The following WFDC11 variants were observed in gnomAD, a reference collection of about 807,000 sequenced individuals.
The protein encoded by WFDC11 is protein WFDC11.
In WFDC11, 9 loss-of-function variants were observed where a neutral mutation model predicts 9.9. The ratio of observed to expected loss-of-function variants is 0.91; its 90% CI spans 0.55 to 1.58. WFDC11 has a LOEUF of 1.58. Among genes scored for constraint, WFDC11 ranks in the 40% most tolerant of loss-of-function variants. The probability of loss-of-function intolerance (pLI) is 0.00; values close to 1 mark genes in which losing one functional copy is unlikely to be tolerated. For synonymous variants in WFDC11, 32 were observed against 33.3 expected, an observed-to-expected ratio of 0.96 and a Z score of 0.13; for missense variants, 106 against 101.7, an observed-to-expected ratio of 1.04 and a Z score of -0.18.
At chr20:45,650,825 C>G (rs1264505118) in intron 2 of WFDC11, among the ~76,000 whole-genome samples, 174 bp from the exon 3 acceptor site, 1 of 152,192 alleles carries the variant, frequency 6.6e-6, no homozygotes, top group Non-Finnish European at 1.5e-5. Flanking sequence ...CCATCTCACA[C>G]CTCATGTTTT....
chr20:45,660,185 C>T (rs924854104), intron 2 of WFDC11, among the ~76,000 whole-genome samples: 1 of 152,132 alleles, frequency 6.6e-6, no homozygotes, highest in African/African-American at 2.4e-5. Flanking sequence ...ACTGCCTTTG[C>T]TTTATCCCAG....
chr20:45,650,161 G>A lies in WFDC11; in HGVS notation c.100+340C>T, dbSNP rs201429287. On this transcript the variant is annotated intron_variant, in intron 3 of 4. Transcript: ENST00000324384. Reference sequence around the variant, plus strand: ...TCTATACTGACATCTGACCCTCAAAGACAGCCTAACATTGGAAAATATTTT... The same window carrying A: ...TCTATACTGACATCTGACCCTCAAAAACAGCCTAACATTGGAAAATATTTT... Among the ~76,000 whole-genome samples the A allele has an allele frequency of 1.5e-4, 23 of 151,938 alleles. No individual in the cohort carries two copies. The East Asian group carries it at 3.1e-3, about 20-fold the overall frequency.
At chr20:45,669,880 A>G (rs926981050) in intron 1 of WFDC11, among the ~76,000 whole-genome samples, 9 of 152,124 alleles carry the variant, frequency 5.9e-5, no homozygotes, top group African/African-American at 2.2e-4. Context: ...CATGAAACCA[A>G]AAGTTGGTTC....
intron 3 of WFDC11, 40 bp downstream of exon 3, chr20:45,650,461 A>G (rs1343280153): frequency 6.5e-7 from 1 of 1,548,296 alleles, no homozygotes; most frequent in African/African-American, 1.4e-5. Flanking sequence ...AAACAAGCTC[A>G]TCCCCCTCCT....
At chr20:45,666,111 A>C (rs2145624617) in intron 2 of WFDC11, among the ~76,000 whole-genome samples, 1 of 152,160 alleles carries the variant, frequency 6.6e-6, no homozygotes, top group South Asian at 2.1e-4. Context: ...TTGTTTACCT[A>C]CTGAAGCCTC....
chr20:45,657,375 T>C (rs1177523259), intron 2 of WFDC11, among the ~76,000 whole-genome samples: 3 of 139,566 alleles, frequency 2.1e-5, no homozygotes, highest in African/African-American at 8.2e-5. Flanking sequence ...TAGGTGGGAA[T>C]TGAACCATGA....
chr20:45,656,567 A>G (rs1305963024), intron 2 of WFDC11, among the ~76,000 whole-genome samples: 1 of 152,178 alleles, frequency 6.6e-6, no homozygotes, highest in Non-Finnish European at 1.5e-5. Flanking sequence ...AATGGCAACA[A>G]AAGCCAAAAT....
intron 2 of WFDC11, among the ~76,000 whole-genome samples, chr20:45,665,326 T>C (rs1983164617): frequency 1.3e-5 from 2 of 152,228 alleles, no homozygotes; most frequent in African/African-American, 4.8e-5. Context: ...TGACTTTTTC[T>C]TATGGTTTTT....
chr20:45,662,770 C>T lies in WFDC11; in HGVS notation c.-52+4318G>A, dbSNP rs1049261256. Among the ~76,000 whole-genome samples the T allele has an allele frequency of 3.9e-5, 6 of 152,176 alleles. No individual in the cohort carries two copies. In the East Asian group the frequency reaches 7.7e-4, roughly 20 times the overall value. On this transcript the variant is annotated intron_variant, in intron 2 of 4. Transcript: ENST00000324384. ...CAGCCTTGCATTCCAGGGATGAAGC[C>T]AACTTGATCATGGTGGATAAGCTTT...
intron 2 of WFDC11, among the ~76,000 whole-genome samples, chr20:45,663,294 C>G (rs1180234343): frequency 6.6e-6 from 1 of 152,000 alleles, no homozygotes; most frequent in Admixed American, 6.6e-5. Context: ...TTTATTGCAT[C>G]TATTTGATTC....
chr20:45,665,509 G>T (rs912856287), intron 2 of WFDC11, among the ~76,000 whole-genome samples: 1 of 152,222 alleles, frequency 6.6e-6, no homozygotes, highest in Non-Finnish European at 1.5e-5. Flanking sequence ...CTGGTTTTTA[G>T]AATTTTAAGC....
At chr20:45,657,973 TATAA>T (rs1445538817) in intron 2 of WFDC11, among the ~76,000 whole-genome samples, 21 of 152,314 alleles carry the variant, frequency 1.4e-4, no homozygotes, top group East Asian at 3.9e-4. Flanking sequence ...TGTGCATAGA[TATAA>T]ATATAGATTT....
In WFDC11 at chr20:45,649,496, T is replaced by A; in HGVS notation, c.101-97A>T. On this transcript the variant is annotated intron_variant, in intron 3 of 4. Coordinates refer to ENST00000324384, the MANE Select transcript of WFDC11 (RefSeq NM_147197.2). ...ACGTTTAACAGTTCCTCCTGGAATCTGGGCCCCAAATTCCAACCAAGATAT... is the reference window on the plus strand; with the variant it reads ...ACGTTTAACAGTTCCTCCTGGAATCAGGGCCCCAAATTCCAACCAAGATAT... 6 of 1,475,652 alleles carry A rather than the reference T, an allele frequency of 4.1e-6. No homozygotes were observed. In the East Asian group the frequency reaches 1.1e-4, roughly 28 times the overall value. The allele number at this position is 1,475,652 out of a possible 1,614,324, so 91.4% of individuals were successfully genotyped here.
chr20:45,657,381 C>A (rs939583064), intron 2 of WFDC11, among the ~76,000 whole-genome samples: 79 of 137,302 alleles, frequency 5.8e-4, no homozygotes, highest in African/African-American at 2.1e-3. Flanking sequence ...GGAATTGAAC[C>A]ATGAGAACAC....
In WFDC11 at chr20:45,670,182, C is replaced by A. The variant is rs987160323; in HGVS notation, c.-138G>T. On this transcript the variant is annotated 5_prime_UTR_variant, in exon 1 of 5. Transcript: ENST00000324384. ...AGTAATTAAAAAAAAACTTACCAACCAGAAAAGGCCCTGGACCAGATGGAT... is the reference window on the plus strand; with the variant it reads ...AGTAATTAAAAAAAAACTTACCAACAAGAAAAGGCCCTGGACCAGATGGAT... 1.3e-5 allele frequency: 2 copies of A among 151,796 alleles called. No individual in the cohort carries two copies. Among genetic ancestry groups the A allele is most frequent in the African/African-American group, 2.4e-5 (1 of 41,340 alleles). The allele number at this position is 151,796 out of a possible 1,614,324, so 9.4% of individuals were successfully genotyped here.
chr20:45,650,904 C>T (rs1421085793), intron 2 of WFDC11, among the ~76,000 whole-genome samples: 5 of 152,160 alleles, frequency 3.3e-5, no homozygotes, highest in Non-Finnish European at 7.3e-5. Flanking sequence ...ATTCAGCTTA[C>T]AAAAAAATTT....
chr20:45,662,093 T>C (rs951912301), intron 2 of WFDC11, among the ~76,000 whole-genome samples: 25 of 152,118 alleles, frequency 1.6e-4, no homozygotes, highest in African/African-American at 6.0e-4. Context: ...TTTTATTTCA[T>C]TGAGCAGTGA....
chr20:45,666,994 G>T (rs1277615608), intron 2 of WFDC11, 94 bp downstream of exon 2: 1 of 152,162 alleles, frequency 6.6e-6, no homozygotes, highest in African/African-American at 2.4e-5. Flanking sequence ...TGATGCAGGG[G>T]CATGATTTGG....
intron 2 of WFDC11, among the ~76,000 whole-genome samples, chr20:45,655,070 T>C (rs899757637): frequency 6.6e-6 from 1 of 152,200 alleles, no homozygotes; most frequent in African/African-American, 2.4e-5. Context: ...GAATCCTCCC[T>C]AACCCATTTT....
Sources: allele counts gnomAD v4.1 joint callset (sites outside exome capture counted in the v4.1 genomes callset), GRCh38; gene constraint gnomAD v4.1.1; transcripts MANE v1.5; gene names NCBI Gene and HGNC (gene_info 2026-07-23, HGNC 2026-07-21).